The following UGT1A10 variants were observed in gnomAD, a reference collection of about 807,000 sequenced individuals.
UGT1A10 encodes the protein UDP glucuronosyltransferase family 1 member A10, also known as UDP-glucuronosyltransferase 1A10.
UGT1A10 carries 49 observed loss-of-function variants against 45.8 expected under a neutral mutation model. The observed-to-expected ratio is 1.07, with a 90% CI of 0.85 to 1.36. UGT1A10 has a LOEUF of 1.36. UGT1A10 is among the 40% of genes most tolerant of loss of function. The pLI is 0.00. For synonymous variants in UGT1A10, 284 were observed against 249.7 expected, an observed-to-expected ratio of 1.14 and a Z score of -1.29; for missense variants, 745 against 668.6, an observed-to-expected ratio of 1.11 and a Z score of -1.26.
At chr2:233,665,469 A>G (rs889508946) in intron 1 of UGT1A10, among the ~76,000 whole-genome samples, 1 of 152,234 alleles carries the variant, frequency 6.6e-6, no homozygotes, top group Non-Finnish European at 1.5e-5. Context: ...GCTGTGGCAA[A>G]GTAGTGCCTT....
At chr2:233,759,709 C>T (rs139134152) in intron 1 of UGT1A10, among the ~76,000 whole-genome samples, 6 of 151,084 alleles carry the variant, frequency 4.0e-5, no homozygotes, top group Non-Finnish European at 8.8e-5. Flanking sequence ...GGCGCGTGCT[C>T]GTGTGGTGGG....
chr2:233,717,234 A>G (rs2076558835), intron 1 of UGT1A10, among the ~76,000 whole-genome samples: 1 of 152,176 alleles, frequency 6.6e-6, no homozygotes, highest in Admixed American at 6.5e-5. Flanking sequence ...GGTTCTTAAG[A>G]TGCAGACAGT....
intron 1 of UGT1A10, among the ~76,000 whole-genome samples, chr2:233,641,181 T>G (rs923402676): frequency 6.6e-6 from 1 of 152,156 alleles, no homozygotes; most frequent in African/African-American, 2.4e-5. Flanking sequence ...GCAACATATT[T>G]TCCTACTTTC....
At chr2:233,708,233 A>G (rs1227435059) in intron 1 of UGT1A10, among the ~76,000 whole-genome samples, 2 of 152,190 alleles carry the variant, frequency 1.3e-5, no homozygotes, top group African/African-American at 4.8e-5. Context: ...TCCCTTAGCA[A>G]TGTATAAGTG....
At chr2:233,697,489 C>T (rs1191333347) in intron 1 of UGT1A10, among the ~76,000 whole-genome samples, 1 of 150,104 alleles carries the variant, frequency 6.7e-6, no homozygotes, top group Admixed American at 6.6e-5. Context: ...CAAGGTTTGC[C>T]AATTTTGTTT....
In UGT1A10 at chr2:233,693,644, G is replaced by T. The variant is rs775312118; in HGVS notation, c.855+56267G>T. On this transcript the variant is annotated intron_variant, in intron 1 of 4. Coordinates refer to ENST00000344644, the MANE Select transcript of UGT1A10 (RefSeq NM_019075.4). The stretch of plus-strand genomic sequence containing the variant: ...TTCCCAACGAGTGGCCAACTTCCTT[G>T]TTAATTTGTTGGAGCCCTATCTATT... The T allele has an allele frequency of 1.4e-5, 22 of 1,614,158 alleles. No homozygotes were observed. The South Asian group carries it at 2.1e-4, about 15-fold the overall frequency.
intron 1 of UGT1A10, among the ~76,000 whole-genome samples, chr2:233,703,376 G>A (rs1195838939): frequency 2.0e-5 from 3 of 151,480 alleles, no homozygotes; most frequent in African/African-American, 4.9e-5. Context: ...TATCAATTTT[G>A]TCTATATTTT....
At chr2:233,660,335 G>A (rs1045555860) in intron 1 of UGT1A10, among the ~76,000 whole-genome samples, 1 of 152,180 alleles carries the variant, frequency 6.6e-6, no homozygotes, top group African/African-American at 2.4e-5. Context: ...TCTAATGGCT[G>A]AATTAGAGAT....
intron 1 of UGT1A10, chr2:233,755,320 T>G: frequency 2.0e-6 from 1 of 508,264 alleles, no homozygotes; most frequent in Admixed American, 3.4e-5. Flanking sequence ...GCGGCAAGGC[T>G]GCCAGCACCC....
rs552027394 is a variant in UGT1A10, at chr2:233,768,534, G to A, written c.1295+95G>A. On this transcript the variant is annotated intron_variant, in intron 4 of 4. Transcript: ENST00000344644. ...CATTTACGTAGCATTTAATAGCGTT[G>A]TTTCAAATATAAAAACAAATACATA... 263 of 1,375,928 alleles carry A rather than the reference G, an allele frequency of 1.9e-4. 3 individuals carry two copies. In the South Asian group the frequency reaches 4.1e-3, roughly 21 times the overall value. The allele number at this position is 1,375,928 out of a possible 1,614,324, so 85.2% of individuals were successfully genotyped here.
intron 1 of UGT1A10, chr2:233,741,006 G>T (rs1691538713): frequency 6.6e-6 from 1 of 151,750 alleles, no homozygotes; most frequent in Admixed American, 6.6e-5. Context: ...AGGATCACTT[G>T]AGCCCAGGAA....
intron 1 of UGT1A10, chr2:233,672,634 A>T (rs1210010866): frequency 6.2e-7 from 1 of 1,613,936 alleles, no homozygotes. Flanking sequence ...AGCCTCTGAA[A>T]TTCTCCAAAC....
chr2:233,656,021 C>T (rs2073846017), intron 1 of UGT1A10, among the ~76,000 whole-genome samples: 1 of 152,058 alleles, frequency 6.6e-6, no homozygotes, highest in African/African-American at 2.4e-5. Flanking sequence ...GAAGCATGAC[C>T]TCTGGCAAAT....
intron 1 of UGT1A10, chr2:233,747,959 C>T: frequency 6.2e-7 from 1 of 1,613,522 alleles, no homozygotes; most frequent in Non-Finnish European, 8.5e-7. Context: ...TGGATCTTCT[C>T]AGCCATGCAT....
At chr2:233,655,031 G>C (rs2073825542) in intron 1 of UGT1A10, among the ~76,000 whole-genome samples, 1 of 152,114 alleles carries the variant, frequency 6.6e-6, no homozygotes, top group Admixed American at 6.5e-5. Flanking sequence ...GGAGGTTGCA[G>C]TGAGCCGAGA....
chr2:233,772,294 T>G lies in UGT1A10; in HGVS notation c.1328T>G (p.Leu443Arg). 6.2e-7 allele frequency: 1 copy of G among 1,614,228 alleles called. No individual in the cohort carries two copies. The highest frequency in any genetic ancestry group is 8.5e-7 in the Non-Finnish European group (1 of 1,180,042). The change falls in exon 5 of 5, where the codon CTT (leucine) becomes CGT (arginine). Residue 443 changes from leucine (L) to arginine (R), a missense_variant. By Grantham distance (102) the Leu-to-Arg change is moderately radical. Coordinates refer to ENST00000344644, the MANE Select transcript of UGT1A10 (RefSeq NM_019075.4). Reference protein sequence around the residue: ...YKENIMRLSSLHKDRPVEPLD... With the variant: ...YKENIMRLSSRHKDRPVEPLD... ...GAGAACATCATGCGCCTCTCCAGCC[T>G]TCACAAGGACCGCCCGGTGGAGCCG...
chr2:233,766,745 T>C (rs1337689607), intron 1 of UGT1A10, among the ~76,000 whole-genome samples: 1 of 152,196 alleles, frequency 6.6e-6, no homozygotes, highest in Non-Finnish European at 1.5e-5. Flanking sequence ...TGTACAGGTG[T>C]GTGCATGTGT....
At position 233,747,735 on chromosome 2, in the gene UGT1A10, A is replaced by G. The variant is rs890289369; in HGVS notation, c.856-19299A>G. 5 of 1,613,242 alleles carry G rather than the reference A, an allele frequency of 3.1e-6. No individual in the cohort carries two copies. The African/African-American group carries it at 4.0e-5, about 13-fold the overall frequency. On this transcript the variant is annotated intron_variant, in intron 1 of 4. Coordinates refer to ENST00000344644, the MANE Select transcript of UGT1A10 (RefSeq NM_019075.4). ...AATTCCTGCTGTGTTTTTTTTGAGGAACATTCCATGTGATTTAGACTTTAA... is the reference window on the plus strand; with the variant it reads ...AATTCCTGCTGTGTTTTTTTTGAGGGACATTCCATGTGATTTAGACTTTAA...
chr2:233,725,175 T>C (rs1280099835), intron 1 of UGT1A10, among the ~76,000 whole-genome samples: 1 of 81,992 alleles, frequency 1.2e-5, no homozygotes, highest in African/African-American at 7.9e-5. Context: ...AGGGAGACCG[T>C]GGGGAGAGGC....
Sources: allele counts gnomAD v4.1 joint callset (sites outside exome capture counted in the v4.1 genomes callset), GRCh38; gene constraint gnomAD v4.1.1; transcripts MANE v1.5; gene names NCBI Gene and HGNC (gene_info 2026-07-23, HGNC 2026-07-21).